The following HEMK2 variants were observed in gnomAD, a reference collection of about 807,000 sequenced individuals.
HEMK2 encodes methyltransferase HEMK2.
chr21:28,771,832 C>G, the HEMK2 span, among the ~76,000 whole-genome samples: 2 of 151,988 alleles, frequency 1.3e-5, no homozygotes. Context: ...AGTGACCAAA[C>G]AAGCCAGTCG....
At chr21:28,784,141 G>A in the HEMK2 span, among the ~76,000 whole-genome samples, 9 of 152,224 alleles carry the variant, frequency 5.9e-5, no homozygotes, top group African/African-American at 1.4e-4. Flanking sequence ...TGAAGAGTGC[G>A]GGCACACAGC....
the HEMK2 span, among the ~76,000 whole-genome samples, chr21:28,878,991 T>C: frequency 6.7e-6 from 1 of 148,262 alleles, no homozygotes; most frequent in African/African-American, 2.4e-5. Context: ...GCATGTTTCC[T>C]CTAACAATCT....
chr21:28,833,528 T>G, the HEMK2 span, among the ~76,000 whole-genome samples: 1 of 152,374 alleles, frequency 6.6e-6, no homozygotes, highest in East Asian at 1.9e-4. Context: ...TACATGCCAG[T>G]GCTTTAACTA....
the HEMK2 span, chr21:28,880,019 T>C: frequency 3.5e-6 from 4 of 1,144,682 alleles, no homozygotes; most frequent in Non-Finnish European, 5.0e-6. Context: ...GACAAATTAA[T>C]CTTTAAAAAT....
At chr21:28,792,204 T>G in the HEMK2 span, among the ~76,000 whole-genome samples, 2 of 152,126 alleles carry the variant, frequency 1.3e-5, no homozygotes, top group African/African-American at 4.8e-5. Context: ...AACCCCTTGT[T>G]TAGCATATGA....
At chr21:28,864,886 AGAT>A in the HEMK2 span, among the ~76,000 whole-genome samples, 500 of 99,114 alleles carry the variant, frequency 5.0e-3, 4 homozygotes, top group African/African-American at 0.012. Flanking sequence ...AGGTAGATAT[AGAT>A]GATAGATAGA....
chr21:28,883,601 T>C, the HEMK2 span, among the ~76,000 whole-genome samples: 2 of 152,328 alleles, frequency 1.3e-5, no homozygotes, highest in Non-Finnish European at 2.9e-5. Context: ...TATATGCTAA[T>C]TGGGAAAATA....
chr21:28,768,743 T>A, the HEMK2 span, among the ~76,000 whole-genome samples: 4 of 152,158 alleles, frequency 2.6e-5, no homozygotes, highest in Admixed American at 2.6e-4. Flanking sequence ...GACTAAATTT[T>A]GACCCCCTAA....
At chr21:28,629,321 G>A in the HEMK2 span, among the ~76,000 whole-genome samples, 1 of 152,234 alleles carries the variant, frequency 6.6e-6, no homozygotes, top group African/African-American at 2.4e-5. Context: ...AAGGGAGACA[G>A]TGCTGTGGTG....
At chr21:28,841,170 A>AAT in the HEMK2 span, among the ~76,000 whole-genome samples, 1 of 27,932 alleles carries the variant, frequency 3.6e-5, no homozygotes, top group African/African-American at 2.2e-4. Flanking sequence ...TATAATATAT[A>AAT]ATATATAAAT....
At chr21:28,688,536 T>C in the HEMK2 span, among the ~76,000 whole-genome samples, 1 of 151,894 alleles carries the variant, frequency 6.6e-6, no homozygotes, top group African/African-American at 2.4e-5. Context: ...GCAGGGACTT[T>C]GCTTGGTTAA....
chr21:28,665,070 G>T, the HEMK2 span, among the ~76,000 whole-genome samples: 1,009 of 151,648 alleles, frequency 6.7e-3, 11 homozygotes, highest in African/African-American at 0.023. Flanking sequence ...TTGAGCCTAG[G>T]AGTTCAGCAC....
chr21:28,755,173 T>C, the HEMK2 span, among the ~76,000 whole-genome samples: 1 of 152,254 alleles, frequency 6.6e-6, no homozygotes, highest in South Asian at 2.1e-4. Context: ...TTTTCCAAAA[T>C]GAGAAGGCTA....
chr21:28,733,483 G>A, the HEMK2 span, among the ~76,000 whole-genome samples: 5 of 152,076 alleles, frequency 3.3e-5, no homozygotes, highest in African/African-American at 1.2e-4. Context: ...CTCTTCCTGG[G>A]ACATACACGC....
At chr21:28,723,374 G>A in the HEMK2 span, among the ~76,000 whole-genome samples, 2 of 152,116 alleles carry the variant, frequency 1.3e-5, no homozygotes, top group Non-Finnish European at 2.9e-5. Context: ...ACACTTGCAT[G>A]GAGACAACTC....
chr21:28,747,221 T>C, the HEMK2 span, among the ~76,000 whole-genome samples: 1 of 152,176 alleles, frequency 6.6e-6, no homozygotes, highest in South Asian at 2.1e-4. Context: ...GGAGAAAGTT[T>C]CTGGGTGGCG....
At chr21:28,806,091 A>G in the HEMK2 span, among the ~76,000 whole-genome samples, 1 of 152,154 alleles carries the variant, frequency 6.6e-6, no homozygotes, top group Non-Finnish European at 1.5e-5. Context: ...ACTATTATAT[A>G]CAAATTTGGT....
chr21:28,649,362 G>C, the HEMK2 span, among the ~76,000 whole-genome samples: 1 of 152,164 alleles, frequency 6.6e-6, no homozygotes, highest in Admixed American at 6.5e-5. Context: ...AATAAGTATA[G>C]GGTACACTAA....
At chr21:28,689,867 T>C in the HEMK2 span, among the ~76,000 whole-genome samples, 1 of 152,154 alleles carries the variant, frequency 6.6e-6, no homozygotes, top group Non-Finnish European at 1.5e-5. Context: ...ACTGCTGCTG[T>C]TTGAAGATGA....
Sources: gnomAD v4.1 joint callset for allele counts (sites outside exome capture counted in the v4.1 genomes callset) on GRCh38, gnomAD v4.1.1 for gene constraint, MANE v1.5 for transcripts, NCBI Gene and HGNC (gene_info 2026-07-23, HGNC 2026-07-21) for gene names.